The following ABI1 variants were observed in gnomAD, a reference collection of about 807,000 sequenced individuals.
The protein encoded by ABI1 is abl interactor 1.
In ABI1, 14 loss-of-function variants were observed where a neutral mutation model predicts 54.6. The observed-to-expected ratio is 0.26, with a 90% CI of 0.17 to 0.40. The LOEUF is 0.40. Among genes scored for constraint, ABI1 ranks in the 10% least tolerant of loss-of-function variants. The pLI is 1.00. For missense variants in ABI1, 443 were observed against 598.3 expected, an observed-to-expected ratio of 0.74 and a Z score of 2.71; for synonymous variants, 194 against 209.3, an observed-to-expected ratio of 0.93 and a Z score of 0.63.
At chr10:26,851,843 C>T (rs776098951) in intron 1 of ABI1, among the ~76,000 whole-genome samples, 4 of 150,648 alleles carry the variant, frequency 2.7e-5, no homozygotes, top group Non-Finnish European at 5.9e-5. Flanking sequence ...AACCAAAAGA[C>T]AAGAAAGGAA....
chr10:26,848,691 C>G (rs1265253475), intron 1 of ABI1, among the ~76,000 whole-genome samples: 1 of 150,352 alleles, frequency 6.7e-6, no homozygotes, highest in Non-Finnish European at 1.5e-5. Context: ...TCACTGCAAC[C>G]TCTGCCTCCC....
chr10:26,815,738 T>C (rs1311380137), intron 2 of ABI1, among the ~76,000 whole-genome samples: 2 of 152,038 alleles, frequency 1.3e-5, no homozygotes, highest in Non-Finnish European at 2.9e-5. Flanking sequence ...CAAGATCCCA[T>C]CTCTACCTCA....
At chr10:26,786,289 C>T (rs1842728276) in intron 2 of ABI1, among the ~76,000 whole-genome samples, 1 of 151,668 alleles carries the variant, frequency 6.6e-6, no homozygotes. Flanking sequence ...TCTCGGCTCA[C>T]TGCGCCCTCT....
chr10:26,757,349 G>A (rs551902536), intron 8 of ABI1, among the ~76,000 whole-genome samples: 4 of 151,984 alleles, frequency 2.6e-5, no homozygotes, highest in South Asian at 4.2e-4. Context: ...TAAAGTATAC[G>A]GTTTGAAAAT....
At chr10:26,802,965 T>G (rs537061575) in intron 2 of ABI1, among the ~76,000 whole-genome samples, 1 of 152,030 alleles carries the variant, frequency 6.6e-6, no homozygotes, top group Admixed American at 6.6e-5. Context: ...AAAGCATAGA[T>G]CAGGAAGATC....
At chr10:26,815,701 AATTTAAG>A in intron 2 of ABI1, among the ~76,000 whole-genome samples, 1 of 152,286 alleles carries the variant, frequency 6.6e-6, no homozygotes, top group Middle Eastern at 3.4e-3. Flanking sequence ...TGAAGCAAGG[AATTTAAG>A]ACCAGCCTGG....
intron 2 of ABI1, among the ~76,000 whole-genome samples, chr10:26,809,451 CG>C (rs2047085365): frequency 6.6e-6 from 1 of 151,814 alleles, no homozygotes; most frequent in African/African-American, 2.4e-5. Context: ...CCTAGCTACT[CG>C]GGAGGCTGGG....
Position 26,768,864 on chromosome 10 carries a change from G to C in ABI1, c.707C>G (p.Pro236Arg). 1 of 1,612,708 alleles carries C rather than the reference G, an allele frequency of 6.2e-7. No homozygotes were observed. Among genetic ancestry groups the C allele is most frequent in the Non-Finnish European group, 8.5e-7 (1 of 1,179,274 alleles). Residue 236 changes from proline to arginine, a missense_variant, in exon 6 of 11, where the codon CCA becomes CGA. Pro to Arg is a moderately radical substitution (Grantham distance 103). Transcript: ENST00000376140. ...CCTAAAGGCTTACCTGTGTGTCCTT[G>C]GTCTCTGATTTAAAGATGCTGTCCT... is the stretch of plus-strand genomic sequence containing the variant. ...PGRTASLNQR[P>R]RTHSGSSGGS...
At chr10:26,771,714 A>G (rs145857691) in intron 3 of ABI1, among the ~76,000 whole-genome samples, 2,277 of 152,280 alleles carry the variant, frequency 0.015, 43 homozygotes, top group African/African-American at 0.046. Context: ...AAACTCTCTC[A>G]TTCCTAGCTT....
Position 26,856,285 on chromosome 10 carries a change from A to G in ABI1, c.117+4462T>C, listed in dbSNP as rs527640135. ...AAGGCTCTGTCTAAAGAAAAAAAAAAAAAAACCCATTCAGGATTAATTAGA... is the reference window on the plus strand; with the variant it reads ...AAGGCTCTGTCTAAAGAAAAAAAAAGAAAAACCCATTCAGGATTAATTAGA... On this transcript the variant is annotated intron_variant, in intron 1 of 10. Transcript: ENST00000376140. Among the ~76,000 whole-genome samples the G allele has an allele frequency of 1.4e-4, 22 of 151,930 alleles. No homozygotes were observed. The East Asian group carries it at 4.2e-3, about 29-fold the overall frequency.
At chr10:26,817,990 T>C (rs2047686968) in intron 2 of ABI1, among the ~76,000 whole-genome samples, 1 of 150,170 alleles carries the variant, frequency 6.7e-6, no homozygotes, top group Admixed American at 6.6e-5. Flanking sequence ...ATCCCATCTC[T>C]ACTAAAACTA....
chr10:26,833,039 T>C (rs756705235), intron 1 of ABI1, among the ~76,000 whole-genome samples: 11 of 152,212 alleles, frequency 7.2e-5, no homozygotes, highest in African/African-American at 2.7e-4. Context: ...ATTTTTTGCA[T>C]GACAATTCAG....
chr10:26,755,910 G>C (rs113899168), intron 8 of ABI1, among the ~76,000 whole-genome samples, 169 bp from the exon 9 acceptor site: 3,399 of 152,198 alleles, frequency 0.022, 95 homozygotes, highest in African/African-American at 0.072. Flanking sequence ...GCAGAACCTT[G>C]GAGTACATTT....
At chr10:26,772,063 T>G (rs1189241705) in intron 3 of ABI1, among the ~76,000 whole-genome samples, 3 of 151,874 alleles carry the variant, frequency 2.0e-5, no homozygotes, top group Non-Finnish European at 2.9e-5. Context: ...CAAGGCAGTA[T>G]CAAAGGAAAT....
intron 5 of ABI1, among the ~76,000 whole-genome samples, chr10:26,769,927 C>T (rs760060945): frequency 2.6e-5 from 4 of 152,158 alleles, no homozygotes; most frequent in African/African-American, 7.2e-5. Flanking sequence ...GCAAAGGCAC[C>T]ATTTGGAATA....
At chr10:26,796,984 T>C (rs989626265) in intron 2 of ABI1, among the ~76,000 whole-genome samples, 1 of 152,208 alleles carries the variant, frequency 6.6e-6, no homozygotes, top group Non-Finnish European at 1.5e-5. Context: ...GGCAGTAATG[T>C]TCGCTGGCCC....
intron 1 of ABI1, among the ~76,000 whole-genome samples, chr10:26,852,493 A>T (rs2050476984): frequency 6.6e-6 from 1 of 152,196 alleles, no homozygotes; most frequent in Non-Finnish European, 1.5e-5. Flanking sequence ...AAAATAAAAT[A>T]AAATAAGCAT....
chr10:26,780,172 T>C (rs1327933625), intron 2 of ABI1, among the ~76,000 whole-genome samples: 1 of 152,046 alleles, frequency 6.6e-6, no homozygotes, highest in Non-Finnish European at 1.5e-5. Flanking sequence ...GCAACAAAGC[T>C]ATAGTTGTTC....
At chr10:26,846,357 T>C (rs2049978180) in intron 1 of ABI1, among the ~76,000 whole-genome samples, 2 of 146,868 alleles carry the variant, frequency 1.4e-5, no homozygotes, top group African/African-American at 2.6e-5. Flanking sequence ...TTTTTTTTTT[T>C]CTTGAGGCAG....
Sources: gnomAD v4.1 joint callset for allele counts (sites outside exome capture counted in the v4.1 genomes callset) on GRCh38, gnomAD v4.1.1 for gene constraint, MANE v1.5 for transcripts, NCBI Gene and HGNC (gene_info 2026-07-23, HGNC 2026-07-21) for gene names.